The following POGZ variants were observed in gnomAD, a reference collection of about 807,000 sequenced individuals.
The protein encoded by POGZ is pogo transposable element derived with ZNF domain, also known as pogo transposable element with ZNF domain.
Under a neutral mutation model 134.6 loss-of-function variants are expected in POGZ, and 17 were observed. The observed-to-expected ratio is 0.13, with a 90% CI of 0.09 to 0.19. The LOEUF (loss-of-function observed/expected upper bound fraction) is 0.19, where lower values mean the gene tolerates loss of function less well. POGZ is among the 10% of genes least tolerant of loss of function. The pLI is 1.00. For missense variants in POGZ, 1,306 were observed against 1,769.7 expected (o/e 0.74, Z 4.70); for synonymous variants, 693 against 657.1 (o/e 1.05, Z -0.84).
At chr1:151,437,759 C>A (rs1222737229) in intron 3 of POGZ, among the ~76,000 whole-genome samples, 1 of 151,776 alleles carries the variant, frequency 6.6e-6, no homozygotes, top group African/African-American at 2.4e-5. Context: ...CTCAAAAAAA[C>A]AAACGTTATT....
At chr1:151,424,491 T>A (rs1657445945) in intron 8 of POGZ, 4 of 442,614 alleles carry the variant, frequency 9.0e-6, no homozygotes. Flanking sequence ...TACTTTGTAT[T>A]TCTCCCTCCT....
rs1240431452 is a variant in POGZ, at chr1:151,408,082, G to T, written c.2375+18C>A. On this transcript the variant is annotated intron_variant, in intron 15 of 18. Transcript: ENST00000271715. The stretch of plus-strand genomic sequence containing the variant: ...ATCTGAACTCTCAAGCTAAAACACT[G>T]GTTAAAAACCAACTTACTTGATCAT... The T allele has an allele frequency of 3.8e-6, 6 of 1,585,740 alleles. No individual in the cohort carries two copies. The highest frequency in any genetic ancestry group is 5.2e-6 in the Non-Finnish European group (6 of 1,164,482).
chr1:151,429,002 T>C (rs1455345487), intron 5 of POGZ, among the ~76,000 whole-genome samples: 1 of 152,078 alleles, frequency 6.6e-6, no homozygotes, highest in Non-Finnish European at 1.5e-5. Flanking sequence ...GCTACAGAGG[T>C]ACCCTTACAA....
chr1:151,413,489 G>A (rs1655053751), intron 10 of POGZ, among the ~76,000 whole-genome samples: 1 of 151,922 alleles, frequency 6.6e-6, no homozygotes, highest in Admixed American at 6.6e-5. Flanking sequence ...AAAAGAGAGA[G>A]ATTATTTACA....
At chr1:151,446,377 T>C (rs1661274275) in intron 1 of POGZ, among the ~76,000 whole-genome samples, 1 of 152,082 alleles carries the variant, frequency 6.6e-6, no homozygotes, top group South Asian at 2.1e-4. Flanking sequence ...GCATTTTAAT[T>C]TCTCATTTTT....
chr1:151,424,654 C>CA (rs1657474976), intron 8 of POGZ, among the ~76,000 whole-genome samples: 1 of 152,150 alleles, frequency 6.6e-6, no homozygotes, highest in Non-Finnish European at 1.5e-5. Flanking sequence ...ACACAATTAA[C>CA]AAAAATGAAC....
At chr1:151,410,250 T>A (rs1299176284) in intron 12 of POGZ, among the ~76,000 whole-genome samples, 2 of 152,226 alleles carry the variant, frequency 1.3e-5, no homozygotes, top group Non-Finnish European at 1.5e-5. Flanking sequence ...TGGATTTACC[T>A]ACCCTGGGTC....
chr1:151,405,602 T>G lies in POGZ; in HGVS notation c.3433A>C (p.Asn1145His). ...CCTGTGCCCACTGTCTGCAGGGCAT[T>G]CTCCTTTCGATCATCACTGCTCAGC... ...EVLSSDDRKENALQTVGTGEP... is the reference protein window; with the variant it reads ...EVLSSDDRKEHALQTVGTGEP... Residue 1145 changes from asparagine (N) to histidine (H), a missense_variant, in exon 19 of 19, where the codon AAT (asparagine) becomes CAT (histidine). Physicochemically the swap from Asn to His is moderately conservative, Grantham distance 68. Transcript: ENST00000271715. The surrounding 1 kb of genome is among the most constrained non-coding windows in gnomAD (Gnocchi z 4.9). 6.2e-7 allele frequency: 1 copy of G among 1,614,148 alleles called. No homozygotes were observed.
intron 10 of POGZ, among the ~76,000 whole-genome samples, chr1:151,418,535 T>C (rs932764902): frequency 1.3e-5 from 2 of 152,178 alleles, no homozygotes; most frequent in African/African-American, 4.8e-5. Flanking sequence ...AGGGTGACTA[T>C]AGTTTACAAT....
chr1:151,442,571 C>T (rs1048955624), intron 1 of POGZ: 3 of 159,652 alleles, frequency 1.9e-5, no homozygotes, highest in Non-Finnish European at 4.1e-5. Context: ...ATTAGCCAGG[C>T]GTGGCGGTGC....
intron 1 of POGZ, among the ~76,000 whole-genome samples, chr1:151,455,894 CTT>C (rs768038263): frequency 4.0e-4 from 47 of 117,538 alleles, no homozygotes; most frequent in African/African-American, 1.0e-3. Flanking sequence ...TAGTTTCTTT[CTT>C]TTTTTTTTTT....
intron 3 of POGZ, among the ~76,000 whole-genome samples, chr1:151,435,028 T>C (rs1010650624): frequency 5.9e-5 from 9 of 151,972 alleles, no homozygotes; most frequent in African/African-American, 1.9e-4. Flanking sequence ...GCCTCCCAAG[T>C]AGCTAGGAAT....
At chr1:151,447,215 G>A (rs865975159) in intron 1 of POGZ, among the ~76,000 whole-genome samples, 27 of 151,768 alleles carry the variant, frequency 1.8e-4, no homozygotes, top group African/African-American at 6.3e-4. Flanking sequence ...GTGAAACCCT[G>A]TCTCTACTAA....
chr1:151,455,894 C>CTTT (rs768038263), intron 1 of POGZ, among the ~76,000 whole-genome samples: 1,618 of 117,378 alleles, frequency 0.014, 40 homozygotes, highest in African/African-American at 0.05. Context: ...TAGTTTCTTT[C>CTTT]TTTTTTTTTT....
At position 151,406,656 on chromosome 1, in the gene POGZ, T is replaced by C. The variant is rs760883096; in HGVS notation, c.2546-25A>G. 2.3e-5 allele frequency: 37 copies of C among 1,599,936 alleles called. No individual in the cohort carries two copies. In the African/African-American group the frequency reaches 4.2e-4, roughly 18 times the overall value. On this transcript the variant is annotated intron_variant, in intron 17 of 18. Transcript: ENST00000271715. ...CCTATGGAAAATGAAACAACAAAAA[T>C]AGTTAGCTCAGTGAAAAAATAAGCC...
At chr1:151,457,034 C>G (rs939118717) in intron 1 of POGZ, among the ~76,000 whole-genome samples, 7 of 152,184 alleles carry the variant, frequency 4.6e-5, no homozygotes, top group African/African-American at 7.2e-5. Context: ...TAAATAGCAT[C>G]TTACTATTAT....
At chr1:151,408,295 G>A (rs540005431) in intron 14 of POGZ, 55 bp from the exon 15 acceptor site, 1 of 1,593,110 alleles carries the variant, frequency 6.3e-7, no homozygotes, top group African/African-American at 1.4e-5. Flanking sequence ...TCCCCAAAAT[G>A]TAGGATTTTC....
Position 151,405,499 on chromosome 1 carries a change from T to A in POGZ, c.3536A>T (p.Gln1179Leu). The part of the protein sequence containing the change: ...VLPTLVFYRG[Q>L]MDQPANMPDS... ...TGGCATGTTAGCAGGCTGATCCATC[T>A]GCCCTCTGTAGAAAACCAGGGTGGG... Residue 1179 changes from glutamine to leucine, a missense_variant, in exon 19 of 19, where the codon CAG becomes CTG. This residue lies in a region of POGZ where 161 missense variants were observed against 185.4 expected (regional missense o/e 0.87). Transcript: ENST00000271715. This position sits in a 1 kb window ranked among gnomAD's most constrained non-coding sequence, Gnocchi z 4.9. 1 of 1,614,240 alleles carries A rather than the reference T, an allele frequency of 6.2e-7. No individual in the cohort carries two copies.
At position 151,405,888 on chromosome 1, in the gene POGZ, G is replaced by A. The variant is rs1297244266; in HGVS notation, c.3147C>T (p.Thr1049=). 2 of 1,614,092 alleles carry A rather than the reference G, an allele frequency of 1.2e-6. No individual in the cohort carries two copies. The highest frequency in any genetic ancestry group is 1.7e-6 in the Non-Finnish European group (2 of 1,180,016). The change falls in exon 19 of 19, where the codon ACC becomes ACT. Residue 1049 remains threonine (T), a synonymous_variant. Coordinates refer to ENST00000271715, the MANE Select transcript of POGZ (RefSeq NM_015100.4). The surrounding 1 kb of genome is among the most constrained non-coding windows in gnomAD (Gnocchi z 4.9). The stretch of plus-strand genomic sequence containing the variant: ...CTATTTTGGTGGCCTTCTGGAACAA[G>A]GTCTCCTCATTTACAGGTAGCTGTT... The part of the protein sequence containing the change: ...REQQLPVNEE[T]LFQKATKIGR...
Sources: allele counts gnomAD v4.1 joint callset (sites outside exome capture counted in the v4.1 genomes callset), GRCh38; gene constraint gnomAD v4.1.1; regional missense constraint gnomAD v4.1.1; non-coding constraint Gnocchi (gnomAD v3.1); transcripts MANE v1.5; gene names NCBI Gene and HGNC (gene_info 2026-07-23, HGNC 2026-07-21).